GOLGA6L22: variants seen among roughly 807,000 people sequenced by gnomAD.
GOLGA6L22 encodes the protein golgin A6 family like 22, also known as golgin subfamily A member 6-like protein 22.
GOLGA6L22 carries 28 observed loss-of-function variants against 77.1 expected under a neutral mutation model. The observed-to-expected ratio is 0.36, with a 90% CI of 0.27 to 0.50. GOLGA6L22 has a LOEUF of 0.50. Among genes scored for constraint, GOLGA6L22 ranks in the 20% least tolerant of loss-of-function variants. GOLGA6L22 has a pLI of 0.97. For synonymous variants in GOLGA6L22, 62 were observed against 185.3 expected, an observed-to-expected ratio of 0.33 and a Z score of 5.41; for missense variants, 250 against 620.4, an observed-to-expected ratio of 0.40 and a Z score of 6.34.
chr15:22,465,938 G>C (rs1398561394), exon 8 of GOLGA6L22: 3 of 957,724 alleles, frequency 3.1e-6, no homozygotes, highest in Non-Finnish European at 4.3e-6. Context: ...GAAGAGGCAG[G>C]AGCAGGAGGA....
At chr15:22,464,855 A>G (rs1887627910) in intron 7 of GOLGA6L22, among the ~76,000 whole-genome samples, 168 bp from the exon 8 acceptor site, 1 of 127,672 alleles carries the variant, frequency 7.8e-6, no homozygotes, top group Non-Finnish European at 1.6e-5. Context: ...CACTGTGTTA[A>G]CCAGGATGGT....
chr15:22,463,474 A>C (rs886634791), intron 5 of GOLGA6L22, among the ~76,000 whole-genome samples: 1 of 136,498 alleles, frequency 7.3e-6, no homozygotes, highest in Non-Finnish European at 1.6e-5. Flanking sequence ...CAACACGAAG[A>C]AACCCCGTCT....
In GOLGA6L22 at chr15:22,461,912, C is replaced by T; in HGVS notation, c.181-122C>T. The T allele has an allele frequency of 2.2e-6, 2 of 926,250 alleles. 1 individual carries two copies. Among genetic ancestry groups the T allele is most frequent in the Admixed American group, 4.5e-5 (2 of 44,166 alleles). 57.4% of individuals were successfully genotyped at this position (926,250 alleles called of 1,614,324 possible). On this transcript the variant is annotated intron_variant, in intron 2 of 8. Transcript: ENST00000622895. Reference sequence around the variant, plus strand: ...AGATTCCACCCCATCCCCACAGGGTCCCTGATAAACTGGTCCCATGGGTGG... The same window carrying T: ...AGATTCCACCCCATCCCCACAGGGTTCCTGATAAACTGGTCCCATGGGTGG...
chr15:22,465,839 C>T lies in GOLGA6L22; in HGVS notation c.1447C>T (p.Arg483Trp), dbSNP rs750082592. The T allele has an allele frequency of 4.6e-4, 646 of 1,398,660 alleles. 16 individuals carry two copies. Among genetic ancestry groups the T allele is most frequent in the Middle Eastern group, 1.3e-3 (5 of 3,960 alleles). The allele number at this position is 1,398,660 out of a possible 1,614,324, so 86.6% of individuals were successfully genotyped here. A position where few individuals can be genotyped will look rare whatever the true frequency, so the allele number is the denominator to read the frequency against. ...GATGTGGAGGCAGGAGGAGAAGATA[C>T]GGGAGCAGGAGGAGAAGATACGGGA... The change falls in exon 8 of 9, where the codon CGG becomes TGG. Residue 483 changes from arginine (R) to tryptophan (W), a missense_variant. Arg to Trp is a moderately radical substitution (Grantham distance 101). Transcript: ENST00000622895.
rs1887578687 is a variant in GOLGA6L22, at chr15:22,463,292, C to T, written c.433-549C>T. Among the ~76,000 whole-genome samples, 10 of 149,522 alleles carry T rather than the reference C, an allele frequency of 6.7e-5. No homozygotes were observed. In the South Asian group the frequency reaches 2.1e-3, roughly 32 times the overall value. On this transcript the variant is annotated intron_variant, in intron 5 of 8. Coordinates refer to ENST00000622895, the Ensembl canonical transcript of GOLGA6L22. ...AACAATATTATCTGATCGCTCTGGG[C>T]CCCTGTTAGCCAGCTCTAAATTCAA...
exon 8 of GOLGA6L22, chr15:22,465,567 A>G: frequency 2.0e-6 from 1 of 494,724 alleles, no homozygotes; most frequent in Non-Finnish European, 3.4e-6. Context: ...CGGGAGGAGG[A>G]GAAGAGGCAG....
At chr15:22,465,908 G>A in exon 8 of GOLGA6L22, 2 of 1,097,212 alleles carry the variant, frequency 1.8e-6, no homozygotes, top group Non-Finnish European at 2.5e-6. Flanking sequence ...GCATGAGCAG[G>A]AGAAGATATG....
rs575441124 is a variant in GOLGA6L22 at position 22,466,515 on chromosome 15, T to A, written c.2123T>A (p.Met708Lys). The A allele has an allele frequency of 1.1e-3, 1,173 of 1,066,204 alleles. 53 individuals carry two copies. The African/African-American group carries it at 0.029, about 27-fold the overall frequency. 66.0% of individuals were successfully genotyped at this position (1,066,204 alleles called of 1,614,324 possible). A position where few individuals can be genotyped will look rare whatever the true frequency, so the allele number is the denominator to read the frequency against. ...GAGAAGATACGAGAGCAGGAGGAGATGATGCAGGAACAGGAAGAGAAGATG... is the reference window on the plus strand; with the variant it reads ...GAGAAGATACGAGAGCAGGAGGAGAAGATGCAGGAACAGGAAGAGAAGATG... Residue 708 changes from methionine (M) to lysine (K), a missense_variant, in exon 8 of 9, where the codon ATG becomes AAG. By Grantham distance (95) the Met-to-Lys change is moderately conservative (BLOSUM62 -1). Transcript: ENST00000622895.
chr15:22,463,023 C>G lies in GOLGA6L22; in HGVS notation c.432+555C>G, dbSNP rs943298634. Among the ~76,000 whole-genome samples the G allele has an allele frequency of 2.2e-5, 3 of 135,270 alleles. 1 individual carries two copies. The highest frequency in any genetic ancestry group is 9.1e-5 in the African/African-American group (3 of 32,816). The allele number at this position is 135,270 out of a possible 152,430, so 88.7% of individuals were successfully genotyped here. ...TAATTTCCTCCTTCTTAACTGTGCC[C>G]CTACCTCCAGCGAAAGAATGGGCTT... On this transcript the variant is annotated intron_variant, in intron 5 of 8. Coordinates refer to ENST00000622895, the Ensembl canonical transcript of GOLGA6L22.
rs1172795158 is a variant in GOLGA6L22, at chr15:22,461,951, C to G, written c.181-83C>G. On this transcript the variant is annotated intron_variant, in intron 2 of 8. Coordinates refer to ENST00000622895, the Ensembl canonical transcript of GOLGA6L22. ...TCCCATGGGTGGGCCTGTTCTGGGA[C>G]AGTGGTGCCATTCTGGGGGCATGTC... 4.8e-5 allele frequency: 65 copies of G among 1,363,774 alleles called. 11 individuals carry two copies. The highest frequency in any genetic ancestry group is 2.0e-4 in the South Asian group (15 of 76,440). 84.5% of individuals were successfully genotyped at this position (1,363,774 alleles called of 1,614,324 possible).
rs1566906143 is a variant in GOLGA6L22 at position 22,465,851 on chromosome 15, G to C, written c.1459G>C (p.Glu487Gln). The change falls in exon 8 of 9, where the codon GAG (glutamate) becomes CAG (glutamine). Residue 487 changes from glutamate (E) to glutamine (Q), a missense_variant. Glu to Gln is a conservative substitution (Grantham distance 29, BLOSUM62 2). Coordinates refer to ENST00000622895, the Ensembl canonical transcript of GOLGA6L22. ...GGAGGAGAAGATACGGGAGCAGGAG[G>C]AGAAGATACGGGAGCAGGAGGAGAT... 9 of 1,416,500 alleles carry C rather than the reference G, an allele frequency of 6.4e-6. 1 individual carries two copies. Among genetic ancestry groups the C allele is most frequent in the Non-Finnish European group, 8.4e-6 (9 of 1,065,206 alleles). The allele number at this position is 1,416,500 out of a possible 1,614,324, so 87.7% of individuals were successfully genotyped here.
intron 5 of GOLGA6L22, among the ~76,000 whole-genome samples, chr15:22,463,122 A>G (rs1338056325): frequency 0.039 from 4,588 of 116,616 alleles, 336 homozygotes; most frequent in African/African-American, 0.15. Context: ...CTTTAATACC[A>G]CATGTTTTTC....
intron 6 of GOLGA6L22, 22 bp downstream of exon 6, chr15:22,463,921 TG>T: frequency 1.5e-6 from 1 of 658,234 alleles, no homozygotes; most frequent in Non-Finnish European, 2.4e-6. Context: ...GAAGGTGGAA[TG>T]GGAGGTCTGG....
At chr15:22,459,097 C>T, upstream of GOLGA6L22, 1 of 97,080 alleles carries the variant, frequency 1.0e-5, no homozygotes, top group East Asian at 9.8e-5. Context: ...CACCTCCCTA[C>T]CCATCCCCAC....
In GOLGA6L22 at chr15:22,466,606, G is replaced by A. The variant is rs1328795762; in HGVS notation, c.2214G>A (p.Arg738=). The change falls in exon 8 of 9, where the codon AGG becomes AGA. Residue 738 remains arginine, a synonymous_variant. Transcript: ENST00000622895. ...TGCGGAGGCAGGAGGAGAAGATAAG[G>A]GAGCAGGAGAAGAAGATACGGGAGC... The A allele has an allele frequency of 4.2e-5, 27 of 642,352 alleles. 1 individual carries two copies. In the African/African-American group the frequency reaches 5.3e-4, roughly 13 times the overall value. 39.8% of individuals were successfully genotyped at this position (642,352 alleles called of 1,614,324 possible).
rs778662923 is a variant in GOLGA6L22, at chr15:22,466,226, C to T, written c.1834C>T (p.Arg612Trp). 1.2e-3 allele frequency: 495 copies of T among 426,630 alleles called. 38 individuals are homozygous for T. The highest frequency in any genetic ancestry group is 4.7e-4 in the Non-Finnish European group (131 of 278,470). The allele number at this position is 426,630 out of a possible 1,614,324, so 26.4% of individuals were successfully genotyped here. A position where few individuals can be genotyped will look rare whatever the true frequency, so the allele number is the denominator to read the frequency against. Residue 612 changes from arginine to tryptophan, a missense_variant, in exon 8 of 9, where the codon CGG (arginine) becomes TGG (tryptophan). By Grantham distance (101) the Arg-to-Trp change is moderately radical. Coordinates refer to ENST00000622895, the Ensembl canonical transcript of GOLGA6L22. ...GAAGATGCAAGAACAGGAGAAGATG[C>T]GGAGGCAGGAGGAGAAGATAAGGGA...
At chr15:22,460,690 GACA>G in intron 1 of GOLGA6L22, 127 bp from the exon 2 acceptor site, 3 of 613,248 alleles carry the variant, frequency 4.9e-6, no homozygotes, top group Admixed American at 6.0e-5. Flanking sequence ...AAGTGATTGT[GACA>G]ACATTTCCTA....
At position 22,466,329 on chromosome 15, in the gene GOLGA6L22, T is replaced by C. The variant is rs529170312; in HGVS notation, c.1937T>C (p.Ile646Thr). The C allele has an allele frequency of 1.8e-4, 225 of 1,219,258 alleles. 13 individuals are homozygous for C. The African/African-American group carries it at 4.0e-3, about 22-fold the overall frequency. The allele number at this position is 1,219,258 out of a possible 1,614,324, so 75.5% of individuals were successfully genotyped here. A position where few individuals can be genotyped will look rare whatever the true frequency, so the allele number is the denominator to read the frequency against. ...AAGATATGGGAGCAGGAGGAGAAGA[T>C]ACGAGAGCAGGAGGAGATGATGCAG... The change falls in exon 8 of 9, where the codon ATA becomes ACA. Residue 646 changes from isoleucine to threonine, a missense_variant. Ile to Thr is a moderately conservative substitution (Grantham distance 89). Coordinates refer to ENST00000622895, the Ensembl canonical transcript of GOLGA6L22.
chr15:22,463,317 A>G (rs1161153126), intron 5 of GOLGA6L22, among the ~76,000 whole-genome samples: 2 of 148,478 alleles, frequency 1.3e-5, no homozygotes, highest in Admixed American at 6.8e-5. Context: ...TCTAAATTCA[A>G]TCTCTTTCCC....
Sources: allele counts gnomAD v4.1 joint callset (sites outside exome capture counted in the v4.1 genomes callset), GRCh38; gene constraint gnomAD v4.1.1; transcripts MANE v1.5; gene names NCBI Gene and HGNC (gene_info 2026-07-23, HGNC 2026-07-21).